MYCBP2: variants seen among roughly 807,000 people sequenced by gnomAD.
The protein encoded by MYCBP2 is MYC binding protein 2.
In MYCBP2, 120 loss-of-function variants were observed where a neutral mutation model predicts 525.3. The ratio of observed to expected loss-of-function variants is 0.23; its 90% CI spans 0.20 to 0.27. The LOEUF is 0.27. Among genes scored for constraint, MYCBP2 ranks in the 10% least tolerant of loss-of-function variants. The pLI is 1.00. For synonymous variants in MYCBP2, 1,894 were observed against 1,955.8 expected (o/e 0.97, Z 0.83); for missense variants, 4,149 against 5,657.1 (o/e 0.73, Z 8.55).
intron 17 of MYCBP2, among the ~76,000 whole-genome samples, chr13:77,237,274 T>C (rs1451716435): frequency 6.6e-6 from 1 of 152,134 alleles, no homozygotes; most frequent in East Asian, 1.9e-4. Flanking sequence ...TATTGTAAAA[T>C]GAGAAAAAGA....
In MYCBP2 at chr13:77,093,263, A is replaced by C. The variant is rs765797414; in HGVS notation, c.10269T>G (p.Arg3423=). The C allele has an allele frequency of 4.3e-6, 7 of 1,613,506 alleles. No individual in the cohort carries two copies. The highest frequency in any genetic ancestry group is 5.1e-6 in the Non-Finnish European group (6 of 1,179,582). Residue 3423 remains arginine, a synonymous_variant, in exon 59 of 83, where the codon CGT becomes CGG. Transcript: ENST00000544440. The part of the protein sequence containing the change: ...NLFQDEMRYL[R]STSVPAPYIS... Reference sequence around the variant, plus strand: ...TATACGGGGCAGGTACAGATGTTGAACGTAGATATCTCATTTCATCCTGGA... The same window carrying C: ...TATACGGGGCAGGTACAGATGTTGACCGTAGATATCTCATTTCATCCTGGA...
At chr13:77,169,468 TTAA>T in intron 39 of MYCBP2, 143 bp downstream of exon 39, 1 of 645,288 alleles carries the variant, frequency 1.5e-6, no homozygotes, top group South Asian at 1.9e-5. Context: ...AGAGAGAAGT[TTAA>T]TAATTAGCAG....
At position 77,169,690 on chromosome 13, in the gene MYCBP2, C is replaced by A. The variant is rs1353461161; in HGVS notation, c.5819G>T (p.Ser1940Ile). 1.2e-6 allele frequency: 2 copies of A among 1,613,952 alleles called. No homozygotes were observed. Among genetic ancestry groups the A allele is most frequent in the Non-Finnish European group, 1.7e-6 (2 of 1,179,978 alleles). Reference sequence around the variant, plus strand: ...CAGCATGGAAAACAGACTGGAAGAACTCAGCAGTTCTGGAATGTCATCAGC... The same window carrying A: ...CAGCATGGAAAACAGACTGGAAGAAATCAGCAGTTCTGGAATGTCATCAGC... ...VDADDIPELL[S>I]SSSLFSMLLP... The change falls in exon 39 of 83, where the codon AGT becomes ATT. Residue 1940 changes from serine (S) to isoleucine (I), a missense_variant. This residue lies in a region of MYCBP2 where 692 missense variants were observed against 852.7 expected (regional missense o/e 0.81). Coordinates refer to ENST00000544440, the MANE Select transcript of MYCBP2 (RefSeq NM_015057.5).
chr13:77,276,398 A>T (rs1167831117), intron 4 of MYCBP2, among the ~76,000 whole-genome samples: 1 of 152,130 alleles, frequency 6.6e-6, no homozygotes, highest in Non-Finnish European at 1.5e-5. Flanking sequence ...AAAGGAGGAG[A>T]GGCAAGTTTC....
At chr13:77,236,162 G>C (rs2067896780) in intron 17 of MYCBP2, among the ~76,000 whole-genome samples, 2 of 152,160 alleles carry the variant, frequency 1.3e-5, no homozygotes, top group Non-Finnish European at 2.9e-5. Context: ...CTCAGCTAAG[G>C]AAACAGTAAG....
chr13:77,198,786 G>C (rs759439287), intron 26 of MYCBP2, among the ~76,000 whole-genome samples: 12 of 152,140 alleles, frequency 7.9e-5, no homozygotes, highest in Non-Finnish European at 1.5e-4. Context: ...GAAGATGTCT[G>C]TTTACATACT....
Position 77,097,766 on chromosome 13 carries a change from G to A in MYCBP2, c.9388C>T (p.His3130Tyr), listed in dbSNP as rs1267451438. ...GTTTTCCCATCCTCACATTTTTCATGCAGAGGTGGTTCCTTAAGCATAGAC... is the reference window on the plus strand; with the variant it reads ...GTTTTCCCATCCTCACATTTTTCATACAGAGGTGGTTCCTTAAGCATAGAC... ...VLSMLKEPPL[H>Y]EKCEDGKTET... Residue 3130 changes from histidine (H) to tyrosine (Y), a missense_variant, in exon 56 of 83, where the codon CAT becomes TAT. This residue lies in a region of MYCBP2 where 653 missense variants were observed against 744.7 expected (regional missense o/e 0.88). Coordinates refer to ENST00000544440, the MANE Select transcript of MYCBP2 (RefSeq NM_015057.5). 2 of 1,613,522 alleles carry A rather than the reference G, an allele frequency of 1.2e-6. No individual in the cohort carries two copies. The highest frequency in any genetic ancestry group is 1.7e-6 in the Non-Finnish European group (2 of 1,179,784).
At chr13:77,126,661 T>A in intron 52 of MYCBP2, 119 bp from the exon 53 acceptor site, 1 of 633,270 alleles carries the variant, frequency 1.6e-6, no homozygotes, top group Non-Finnish European at 2.6e-6. Context: ...AAAAAACACA[T>A]AACTAAAGAT....
intron 30 of MYCBP2, among the ~76,000 whole-genome samples, chr13:77,186,974 G>A (rs1288233543): frequency 6.6e-6 from 1 of 151,800 alleles, no homozygotes; most frequent in Non-Finnish European, 1.5e-5. Flanking sequence ...ACCATACCCA[G>A]CTAATTTTTA....
intron 82 of MYCBP2, among the ~76,000 whole-genome samples, chr13:77,049,458 CAATTGG>C (rs1200424171): frequency 1.3e-5 from 2 of 152,088 alleles, no homozygotes; most frequent in African/African-American, 4.8e-5. Context: ...AATGATAACA[CAATTGG>C]AAGCAACTTT....
chr13:77,294,142 A>G (rs1204529205), intron 2 of MYCBP2, among the ~76,000 whole-genome samples: 1 of 134,728 alleles, frequency 7.4e-6, no homozygotes. Flanking sequence ...ATATATATAT[A>G]CATATATATA....
Position 77,166,316 on chromosome 13 carries a change from A to G in MYCBP2, c.6340+13T>C. ...TATTTTACCACATAAAACAGAAGAA[A>G]AAAAAAACTTACCTGGCAACACCAA... On this transcript the variant is annotated intron_variant, in intron 41 of 82. Transcript: ENST00000544440. 6.4e-7 allele frequency: 1 copy of G among 1,572,030 alleles called. No homozygotes were observed. Among genetic ancestry groups the G allele is most frequent in the Non-Finnish European group, 8.6e-7 (1 of 1,160,254 alleles).
At chr13:77,286,165 T>C (rs995339513) in intron 3 of MYCBP2, among the ~76,000 whole-genome samples, 2 of 152,194 alleles carry the variant, frequency 1.3e-5, no homozygotes, top group Non-Finnish European at 2.9e-5. Flanking sequence ...ACAGCCACCA[T>C]AAAATGTGCA....
intron 1 of MYCBP2, among the ~76,000 whole-genome samples, chr13:77,304,204 A>G (rs1466614509): frequency 1.3e-5 from 2 of 152,242 alleles, no homozygotes; most frequent in African/African-American, 4.8e-5. Flanking sequence ...TATTCACAAT[A>G]GCCAAGATGT....
At chr13:77,084,006 T>C (rs1026368514) in intron 62 of MYCBP2, among the ~76,000 whole-genome samples, 3 of 152,182 alleles carry the variant, frequency 2.0e-5, no homozygotes, top group African/African-American at 7.2e-5. Context: ...ATTAGATATG[T>C]ATGTAACATA....
intron 18 of MYCBP2, among the ~76,000 whole-genome samples, chr13:77,227,421 A>T (rs938341931): frequency 4.8e-4 from 73 of 150,914 alleles, no homozygotes; most frequent in African/African-American, 1.7e-3. Context: ...AAGCCTCCTC[A>T]TGTTGGAAAG....
intron 26 of MYCBP2, among the ~76,000 whole-genome samples, chr13:77,199,159 A>G (rs1232449248): frequency 6.6e-6 from 1 of 152,236 alleles, no homozygotes; most frequent in East Asian, 1.9e-4. Flanking sequence ...AGTGCCAGAC[A>G]GTGGGAGCAG....
chr13:77,178,475 T>G (rs1377663178), intron 34 of MYCBP2, among the ~76,000 whole-genome samples: 2 of 152,230 alleles, frequency 1.3e-5, no homozygotes, highest in Non-Finnish European at 1.5e-5. Flanking sequence ...ACCCTAAGAT[T>G]GAATACTACG....
Position 77,326,330 on chromosome 13 carries a change from G to A in MYCBP2, c.302+144C>T. The stretch of plus-strand genomic sequence containing the variant: ...CCCTCCTATCTCGATAAGTGCTCCT[G>A]CCAACAGACATCCAGAGCGGACTGA... On this transcript the variant is annotated intron_variant, in intron 1 of 82. Coordinates refer to ENST00000544440, the MANE Select transcript of MYCBP2 (RefSeq NM_015057.5). This position sits in a 1 kb window ranked among gnomAD's most constrained non-coding sequence, Gnocchi z 4.2. 1.3e-6 allele frequency: 1 copy of A among 785,474 alleles called. No individual in the cohort carries two copies. The highest frequency in any genetic ancestry group is 1.9e-6 in the Non-Finnish European group (1 of 527,764). 48.7% of individuals were successfully genotyped at this position (785,474 alleles called of 1,614,324 possible).
Sources: gnomAD v4.1 joint callset for allele counts (sites outside exome capture counted in the v4.1 genomes callset) on GRCh38, gnomAD v4.1.1 for gene constraint, gnomAD v4.1.1 regional missense constraint, Gnocchi (gnomAD v3.1) non-coding constraint, MANE v1.5 for transcripts, NCBI Gene and HGNC (gene_info 2026-07-23, HGNC 2026-07-21) for gene names.